The following ITGA1 variants were observed in gnomAD, a reference collection of about 807,000 sequenced individuals.
The protein encoded by ITGA1 is integrin subunit alpha 1.
Under a neutral mutation model 145.9 loss-of-function variants are expected in ITGA1, and 85 were observed. The observed-to-expected ratio is 0.58, with a 90% CI of 0.49 to 0.70. The LOEUF (loss-of-function observed/expected upper bound fraction) is 0.70. Among genes scored for constraint, ITGA1 ranks in the 30% least tolerant of loss-of-function variants. The pLI, the probability that ITGA1 is intolerant of heterozygous loss-of-function variation, is 0.00. For missense variants in ITGA1, 1,351 were observed against 1,418.7 expected (o/e 0.95, Z 0.77); for synonymous variants, 520 against 495.3 (o/e 1.05, Z -0.66).
At chr5:52,798,818 G>A (rs1748397064) in intron 1 of ITGA1, among the ~76,000 whole-genome samples, 1 of 152,108 alleles carries the variant, frequency 6.6e-6, no homozygotes, top group Admixed American at 6.5e-5. Flanking sequence ...AACACTTTAT[G>A]GTAAAGATCT....
At chr5:52,901,282 G>T (rs904542318) in intron 11 of ITGA1, among the ~76,000 whole-genome samples, 1 of 152,186 alleles carries the variant, frequency 6.6e-6, no homozygotes, top group Non-Finnish European at 1.5e-5. Flanking sequence ...GATTCTCCTT[G>T]ATAGGCTCCC....
At chr5:52,861,302 G>C in intron 2 of ITGA1, 145 bp from the exon 3 acceptor site, 2 of 616,386 alleles carry the variant, frequency 3.2e-6, no homozygotes, top group South Asian at 4.0e-5. Flanking sequence ...TCTCTGCTTA[G>C]TTTACATAAC....
At chr5:52,848,911 C>A (rs1274665960) in intron 1 of ITGA1, among the ~76,000 whole-genome samples, 1 of 152,094 alleles carries the variant, frequency 6.6e-6, no homozygotes. Context: ...ATGAACTCAT[C>A]CTTTTTTATG....
chr5:52,823,875 G>C (rs963178501), intron 1 of ITGA1, among the ~76,000 whole-genome samples: 3 of 152,202 alleles, frequency 2.0e-5, no homozygotes, highest in African/African-American at 7.2e-5. Context: ...TTGTATGTCT[G>C]TGGTAGCTTT....
chr5:52,841,972 T>C (rs540203807), intron 1 of ITGA1, among the ~76,000 whole-genome samples: 1 of 152,242 alleles, frequency 6.6e-6, no homozygotes, highest in South Asian at 2.1e-4. Flanking sequence ...CTCTTCATTA[T>C]AGAGCTCATA....
At chr5:52,807,418 A>AT (rs1748605262) in intron 1 of ITGA1, among the ~76,000 whole-genome samples, 1 of 151,960 alleles carries the variant, frequency 6.6e-6, no homozygotes, top group East Asian at 1.9e-4. Flanking sequence ...TGATGCAAAA[A>AT]AAATGAAATT....
intron 7 of ITGA1, among the ~76,000 whole-genome samples, chr5:52,885,666 G>A (rs574859160): frequency 1.8e-4 from 28 of 152,268 alleles, no homozygotes; most frequent in African/African-American, 6.3e-4. Flanking sequence ...TAAGAAGTTC[G>A]GAAAGATCCA....
chr5:52,872,650 C>G (rs1051527880), intron 6 of ITGA1, among the ~76,000 whole-genome samples: 1 of 144,376 alleles, frequency 6.9e-6, no homozygotes, highest in African/African-American at 2.5e-5. Context: ...CCTCCGCCTC[C>G]CGGGTTCAAG....
chr5:52,843,578 A>G (rs1749289123), intron 1 of ITGA1, among the ~76,000 whole-genome samples: 1 of 152,146 alleles, frequency 6.6e-6, no homozygotes, highest in Non-Finnish European at 1.5e-5. Context: ...GCTTCCTTCA[A>G]TCTGTCAACA....
At position 52,821,358 on chromosome 5, in the gene ITGA1, C is replaced by T. The variant is rs10471815; in HGVS notation, c.62-28007C>T. ...TCAGTCAAAAAAGTATGTTTTTAGA[C>T]AGCTCTCCTCACCCCATTCCGTGTG... On this transcript the variant is annotated intron_variant, in intron 1 of 28. Coordinates refer to ENST00000282588, the MANE Select transcript of ITGA1 (RefSeq NM_181501.2). 6.7e-3 allele frequency among the ~76,000 whole-genome samples: 1,019 copies of T among 152,260 alleles called. 12 individuals carry two copies. The highest frequency in any genetic ancestry group is 0.023 in the African/African-American group (969 of 41,544).
intron 14 of ITGA1, among the ~76,000 whole-genome samples, chr5:52,910,669 A>C (rs1339631091): frequency 6.8e-6 from 1 of 147,618 alleles, no homozygotes; most frequent in Admixed American, 6.8e-5. Flanking sequence ...TATAGTATAT[A>C]TATATACACA....
intron 1 of ITGA1, among the ~76,000 whole-genome samples, chr5:52,835,465 T>G (rs1749148270): frequency 6.6e-6 from 1 of 152,146 alleles, no homozygotes; most frequent in Non-Finnish European, 1.5e-5. Flanking sequence ...TGGGGAAAAC[T>G]TTAGCAGAAG....
chr5:52,803,460 T>C (rs1344876128), intron 1 of ITGA1: 1 of 152,154 alleles, frequency 6.6e-6, no homozygotes, highest in Non-Finnish European at 1.5e-5. Context: ...TTTTTGGACA[T>C]TTTTACTCTC....
At chr5:52,801,862 A>G (rs746771194) in intron 1 of ITGA1, 1 of 1,528,180 alleles carries the variant, frequency 6.5e-7, no homozygotes, top group Non-Finnish European at 8.9e-7. Flanking sequence ...TAAAATTGAG[A>G]CAATCTTGTG....
At position 52,955,981 on chromosome 5, in the gene ITGA1, A is replaced by T. The variant is rs1751297858; in HGVS notation, c.*3530A>T. The stretch of plus-strand genomic sequence containing the variant: ...TATACACATACACTCACATGCAGAT[A>T]TTTACATATATAGATATTCTCTTTT... On this transcript the variant is annotated 3_prime_UTR_variant, in exon 29 of 29. Transcript: ENST00000282588. The T allele has an allele frequency of 6.6e-6, 1 of 152,030 alleles. No individual in the cohort carries two copies. Among genetic ancestry groups the T allele is most frequent in the South Asian group, 2.1e-4 (1 of 4,822 alleles). The allele number at this position is 152,030 out of a possible 1,614,324, so 9.4% of individuals were successfully genotyped here. A position where few individuals can be genotyped will look rare whatever the true frequency, so the allele number is the denominator to read the frequency against.
chr5:52,862,488 C>T (rs549105423), intron 3 of ITGA1, among the ~76,000 whole-genome samples: 15 of 151,892 alleles, frequency 9.9e-5, no homozygotes, highest in African/African-American at 3.4e-4. Context: ...ATTAGAATAC[C>T]GTACTAATTT....
chr5:52,884,065 G>A (rs780486945), intron 7 of ITGA1, among the ~76,000 whole-genome samples: 1 of 152,184 alleles, frequency 6.6e-6, no homozygotes, highest in African/African-American at 2.4e-5. Context: ...AAAAGTGATT[G>A]AATCTCATAT....
At chr5:52,805,521 G>C (rs1347780849) in intron 1 of ITGA1, among the ~76,000 whole-genome samples, 1 of 152,098 alleles carries the variant, frequency 6.6e-6, no homozygotes, top group Non-Finnish European at 1.5e-5. Flanking sequence ...GCTGTTTAGA[G>C]TTATGGAAAA....
At chr5:52,886,500 A>C (rs1427214596) in intron 7 of ITGA1, among the ~76,000 whole-genome samples, 1 of 152,212 alleles carries the variant, frequency 6.6e-6, no homozygotes, top group Non-Finnish European at 1.5e-5. Flanking sequence ...GTACAACCAA[A>C]TATCTAAATG....
Sources: gnomAD v4.1 joint callset for allele counts (sites outside exome capture counted in the v4.1 genomes callset) on GRCh38, gnomAD v4.1.1 for gene constraint, MANE v1.5 for transcripts, NCBI Gene and HGNC (gene_info 2026-07-23, HGNC 2026-07-21) for gene names.